The following FNBP1L variants were observed in gnomAD, a reference collection of about 807,000 sequenced individuals.
The protein encoded by FNBP1L is formin-binding protein 1-like.
A neutral mutation model predicts 91.2 loss-of-function variants in FNBP1L; 36 were observed. The observed-to-expected ratio is 0.39, with a 90% CI of 0.30 to 0.52. The LOEUF (loss-of-function observed/expected upper bound fraction) is 0.52. Ranked by LOEUF, FNBP1L falls within the 20% of genes least tolerant of loss-of-function variation. FNBP1L has a pLI of 0.66. For synonymous variants in FNBP1L, 242 were observed against 237.0 expected (o/e 1.02, Z -0.19); for missense variants, 571 against 732.1 (o/e 0.78, Z 2.54).
intron 1 of FNBP1L, among the ~76,000 whole-genome samples, chr1:93,482,537 T>A (rs1229324577): frequency 6.6e-6 from 1 of 152,172 alleles, no homozygotes; most frequent in African/African-American, 2.4e-5. Flanking sequence ...AAGTTATTTT[T>A]AAAAGTCTGA....
intron 1 of FNBP1L, among the ~76,000 whole-genome samples, chr1:93,462,612 G>T (rs1376188243): frequency 6.6e-6 from 1 of 152,106 alleles, no homozygotes; most frequent in Non-Finnish European, 1.5e-5. Flanking sequence ...TACTGGTCAA[G>T]CATATTGTAG....
chr1:93,483,012 C>T (rs1192690156), intron 1 of FNBP1L, among the ~76,000 whole-genome samples: 3 of 144,180 alleles, frequency 2.1e-5, no homozygotes, highest in South Asian at 2.2e-4. Flanking sequence ...AGCAAGACTC[C>T]GTCTAAAAAA....
At chr1:93,529,521 A>G (rs773645999) in intron 5 of FNBP1L, 131 bp from the exon 6 acceptor site, 21 of 530,592 alleles carry the variant, frequency 4.0e-5, no homozygotes, top group Admixed American at 3.3e-4. Flanking sequence ...TACATGTTCC[A>G]TGGTGGTTTG....
intron 1 of FNBP1L, among the ~76,000 whole-genome samples, chr1:93,495,199 A>G (rs1445634417): frequency 6.6e-6 from 1 of 152,236 alleles, no homozygotes; most frequent in East Asian, 1.9e-4. Context: ...GAGAGATTTC[A>G]CATGGAAAGT....
chr1:93,547,694 A>T (rs1203260222), intron 14 of FNBP1L, among the ~76,000 whole-genome samples: 2 of 152,142 alleles, frequency 1.3e-5, no homozygotes, highest in Non-Finnish European at 2.9e-5. Context: ...TTGGAGCTAC[A>T]GTCTGAGGGC....
At chr1:93,457,080 G>A (rs1375471268) in intron 1 of FNBP1L, among the ~76,000 whole-genome samples, 4 of 151,984 alleles carry the variant, frequency 2.6e-5, no homozygotes, top group Non-Finnish European at 4.4e-5. Context: ...TAGAGATAGC[G>A]TTTAGCCATA....
At chr1:93,482,672 T>G (rs1036136314) in intron 1 of FNBP1L, among the ~76,000 whole-genome samples, 9 of 151,602 alleles carry the variant, frequency 5.9e-5, no homozygotes, top group African/African-American at 2.2e-4. Context: ...GCAGGCAGAT[T>G]GCTTGAGCCC....
chr1:93,466,924 C>T (rs1269334760), intron 1 of FNBP1L, among the ~76,000 whole-genome samples: 1 of 152,168 alleles, frequency 6.6e-6, no homozygotes, highest in African/African-American at 2.4e-5. Context: ...GTGGTGCAAT[C>T]TTGCTCACTG....
intron 5 of FNBP1L, among the ~76,000 whole-genome samples, chr1:93,527,696 G>A (rs1671536249): frequency 6.6e-6 from 1 of 152,012 alleles, no homozygotes; most frequent in Non-Finnish European, 1.5e-5. Flanking sequence ...AAGCCCGATC[G>A]GTGGAGCTTT....
At chr1:93,512,351 T>G (rs1216000670) in intron 2 of FNBP1L, among the ~76,000 whole-genome samples, 2 of 151,590 alleles carry the variant, frequency 1.3e-5, no homozygotes, top group African/African-American at 4.9e-5. Flanking sequence ...CTGTCAACAT[T>G]AGACAAATCA....
At chr1:93,532,814 C>CT (rs1276007233) in intron 7 of FNBP1L, 108 bp from the exon 8 acceptor site, 1 of 763,052 alleles carries the variant, frequency 1.3e-6, no homozygotes, top group African/African-American at 1.8e-5. Flanking sequence ...AACAGTGTAA[C>CT]TATGAGGGTA....
At chr1:93,460,987 T>C (rs1668840804) in intron 1 of FNBP1L, among the ~76,000 whole-genome samples, 1 of 152,234 alleles carries the variant, frequency 6.6e-6, no homozygotes, top group Non-Finnish European at 1.5e-5. Context: ...AGTTTTCTTA[T>C]CTTTGCATAA....
chr1:93,552,116 T>C (rs1400885769), intron 16 of FNBP1L: 1 of 1,157,118 alleles, frequency 8.6e-7, no homozygotes, highest in Non-Finnish European at 1.1e-6. Flanking sequence ...TTAGGATAGA[T>C]AAATTTTTCC....
At position 93,448,187 on chromosome 1, in the gene FNBP1L, G is replaced by C. The variant is rs1455391076; in HGVS notation, c.-95G>C. On this transcript the variant is annotated 5_prime_UTR_variant, in exon 1 of 17. Coordinates refer to ENST00000271234, the MANE Select transcript of FNBP1L (RefSeq NM_001164473.3). ...CCTTTCGAGGTAGACCCGCTGAGCT[G>C]CTAGCCCGCCGGCCAGCGAGTGAGA... is the stretch of plus-strand genomic sequence containing the variant. The C allele has an allele frequency of 2.0e-5, 29 of 1,481,040 alleles. No individual in the cohort carries two copies. Among genetic ancestry groups the C allele is most frequent in the Non-Finnish European group, 2.5e-5 (28 of 1,102,938 alleles). 91.7% of individuals were successfully genotyped at this position (1,481,040 alleles called of 1,614,324 possible).
At chr1:93,475,162 G>T (rs1270549275) in intron 1 of FNBP1L, among the ~76,000 whole-genome samples, 1 of 151,998 alleles carries the variant, frequency 6.6e-6, no homozygotes, top group Non-Finnish European at 1.5e-5. Flanking sequence ...ATATAGAGCT[G>T]CAGTTTGCAA....
Position 93,492,470 on chromosome 1 carries a change from TAAG to T in FNBP1L, c.25-6995_25-6993del, listed in dbSNP as rs1448317126. Among the ~76,000 whole-genome samples the T allele has an allele frequency of 2.0e-5, 3 of 152,174 alleles. No homozygotes were observed. In the East Asian group the frequency reaches 5.8e-4, roughly 29 times the overall value. Reference sequence around the variant, plus strand: ...TTCTGTTTATATGTTATCTAAAAAATAAGAAATGGGATACTTTACTAGTATTTA... The same window carrying T: ...TTCTGTTTATATGTTATCTAAAAAATAAATGGGATACTTTACTAGTATTTA... On this transcript the variant is annotated intron_variant, in intron 1 of 16. Transcript: ENST00000271234.
At chr1:93,519,788 A>G (rs540531913) in intron 2 of FNBP1L, among the ~76,000 whole-genome samples, 2 of 152,160 alleles carry the variant, frequency 1.3e-5, no homozygotes, top group African/African-American at 2.4e-5. Flanking sequence ...TGTCTCTTTA[A>G]AAAGTATATG....
chr1:93,524,581 C>CTTTTTTTT (rs34173735), intron 5 of FNBP1L, among the ~76,000 whole-genome samples: 27 of 113,424 alleles, frequency 2.4e-4, no homozygotes, highest in African/African-American at 7.1e-4. Flanking sequence ...TAAGGAGATT[C>CTTTTTTTT]TTTTTTTTTT....
chr1:93,545,883 T>A (rs892671694), intron 12 of FNBP1L, among the ~76,000 whole-genome samples: 3 of 152,006 alleles, frequency 2.0e-5, no homozygotes, highest in African/African-American at 7.2e-5. Flanking sequence ...AGCTATAGAT[T>A]TAATTGCAAC....
Sources: allele counts gnomAD v4.1 joint callset (sites outside exome capture counted in the v4.1 genomes callset), GRCh38; gene constraint gnomAD v4.1.1; transcripts MANE v1.5; gene names NCBI Gene and HGNC (gene_info 2026-07-23, HGNC 2026-07-21).